CTNND2: variants seen among roughly 807,000 people sequenced by gnomAD.
CTNND2 encodes catenin delta 2, also known as catenin delta-2.
CTNND2 carries 22 observed loss-of-function variants against 144.4 expected under a neutral mutation model. The ratio of observed to expected loss-of-function variants is 0.15; its 90% CI spans 0.11 to 0.22. The LOEUF (loss-of-function observed/expected upper bound fraction) is 0.22. Ranked by LOEUF, CTNND2 falls within the 10% of genes least tolerant of loss-of-function variation. The probability of loss-of-function intolerance (pLI) is 1.00; values close to 1 mark genes in which losing one functional copy is unlikely to be tolerated. For missense variants in CTNND2, 1,353 were observed against 1,618.8 expected, an observed-to-expected ratio of 0.84 and a Z score of 2.82; for synonymous variants, 751 against 695.6, an observed-to-expected ratio of 1.08 and a Z score of -1.25.
At chr5:11,313,345 G>C (rs1751178735) in intron 9 of CTNND2, among the ~76,000 whole-genome samples, 1 of 152,160 alleles carries the variant, frequency 6.6e-6, no homozygotes, top group Non-Finnish European at 1.5e-5. Flanking sequence ...TCAGGGACAA[G>C]GTTTTTCCAA....
intron 3 of CTNND2, among the ~76,000 whole-genome samples, chr5:11,421,314 C>G (rs1308209070): frequency 6.6e-6 from 1 of 152,154 alleles, no homozygotes; most frequent in Non-Finnish European, 1.5e-5. Flanking sequence ...CCCCTTCATT[C>G]AAGATACCCT....
chr5:11,128,401 G>A (rs980430189), intron 12 of CTNND2, among the ~76,000 whole-genome samples: 4 of 152,032 alleles, frequency 2.6e-5, no homozygotes, highest in African/African-American at 9.7e-5. Context: ...TAAGGAGAAC[G>A]ATCCCACCAG....
chr5:11,737,291 GT>G (rs898619748), intron 1 of CTNND2, among the ~76,000 whole-genome samples: 3 of 152,118 alleles, frequency 2.0e-5, no homozygotes, highest in Non-Finnish European at 4.4e-5. Context: ...CTTTGACTTT[GT>G]TTTTGTTTGA....
intron 2 of CTNND2, among the ~76,000 whole-genome samples, chr5:11,617,764 T>C (rs2466997): frequency 0.12 from 18,764 of 152,166 alleles, 2,934 homozygotes; most frequent in African/African-American, 0.37. Flanking sequence ...ATCTTTATTA[T>C]GGAATTCTCA....
chr5:11,638,064 T>C (rs1339745391), intron 2 of CTNND2, among the ~76,000 whole-genome samples: 1 of 152,216 alleles, frequency 6.6e-6, no homozygotes, highest in Non-Finnish European at 1.5e-5. Flanking sequence ...TTTATTAGTT[T>C]TGTTAATATA....
At chr5:11,416,661 C>T (rs1761959022) in intron 3 of CTNND2, among the ~76,000 whole-genome samples, 1 of 152,188 alleles carries the variant, frequency 6.6e-6, no homozygotes. Context: ...GGGTCACAGA[C>T]ACACTCATAT....
At chr5:11,387,033 T>C (rs1189811850) in intron 6 of CTNND2, among the ~76,000 whole-genome samples, 1 of 152,156 alleles carries the variant, frequency 6.6e-6, no homozygotes, top group Non-Finnish European at 1.5e-5. Flanking sequence ...TCTAGTTGTA[T>C]ATTATAATCT....
At chr5:11,894,938 G>A (rs914616578) in intron 1 of CTNND2, among the ~76,000 whole-genome samples, 1 of 152,182 alleles carries the variant, frequency 6.6e-6, no homozygotes, top group Admixed American at 6.5e-5. Flanking sequence ...CCTATGATTT[G>A]TGGATCAATT....
rs1758840930 is a variant in CTNND2, at chr5:11,384,531, G to A, written c.1177+134C>T. 6 of 755,566 alleles carry A rather than the reference G, an allele frequency of 7.9e-6. No homozygotes were observed. The highest frequency in any genetic ancestry group is 1.0e-5 in the Non-Finnish European group (5 of 479,356). The allele number at this position is 755,566 out of a possible 1,614,324, so 46.8% of individuals were successfully genotyped here. A position where few individuals can be genotyped will look rare whatever the true frequency, so the allele number is the denominator to read the frequency against. ...TGACTTGTTCCAGGAAAGCCCTGGCGTTCTCTGTCTCCTGCAACTACTACA... is the reference window on the plus strand; with the variant it reads ...TGACTTGTTCCAGGAAAGCCCTGGCATTCTCTGTCTCCTGCAACTACTACA... On this transcript the variant is annotated intron_variant, in intron 7 of 21. Transcript: ENST00000304623. The surrounding 1 kb of genome is among the most constrained non-coding windows in gnomAD (Gnocchi z 5.2).
intron 3 of CTNND2, among the ~76,000 whole-genome samples, chr5:11,443,775 C>G (rs1764554523): frequency 6.6e-6 from 1 of 152,102 alleles, no homozygotes; most frequent in South Asian, 2.1e-4. Flanking sequence ...TCTGCTATCT[C>G]TCAAAAGTGT....
At chr5:11,591,154 G>T (rs1779219366) in intron 2 of CTNND2, among the ~76,000 whole-genome samples, 1 of 152,156 alleles carries the variant, frequency 6.6e-6, no homozygotes, top group Non-Finnish European at 1.5e-5. Flanking sequence ...CACCTAGAAT[G>T]GAATGTTTGT....
At chr5:11,102,756 G>T (rs1027442909) in intron 14 of CTNND2, among the ~76,000 whole-genome samples, 4 of 152,104 alleles carry the variant, frequency 2.6e-5, no homozygotes, top group African/African-American at 9.7e-5. Flanking sequence ...AGGGACTGCT[G>T]AAATTTAGAC....
chr5:11,708,923 C>T (rs2126687209), intron 2 of CTNND2, among the ~76,000 whole-genome samples: 1 of 152,166 alleles, frequency 6.6e-6, no homozygotes, highest in East Asian at 1.9e-4. Context: ...TACATAGCCC[C>T]TTGTGTCTGT....
chr5:11,283,262 C>T (rs953834100), intron 9 of CTNND2, among the ~76,000 whole-genome samples: 1 of 152,180 alleles, frequency 6.6e-6, no homozygotes, highest in South Asian at 2.1e-4. Flanking sequence ...AAATCACTTG[C>T]CCATGCCCAG....
rs1292524308 is a variant in CTNND2, at chr5:11,082,926, G to A, written c.2638-80C>T. ...AAATAGTACATTTGCGTTTTCAGGC[G>A]GCTGCTTACAGGAGCCAAAAAGGTT... is the stretch of plus-strand genomic sequence containing the variant. On this transcript the variant is annotated intron_variant, in intron 15 of 21. Coordinates refer to ENST00000304623, the MANE Select transcript of CTNND2 (RefSeq NM_001332.4). The A allele has an allele frequency of 1.1e-5, 16 of 1,521,984 alleles. No homozygotes were observed. In the Admixed American group the frequency reaches 1.4e-4, roughly 13 times the overall value. The allele number at this position is 1,521,984 out of a possible 1,614,324, so 94.3% of individuals were successfully genotyped here.
chr5:11,766,358 G>A (rs1414653633), intron 1 of CTNND2, among the ~76,000 whole-genome samples: 1 of 152,188 alleles, frequency 6.6e-6, no homozygotes, highest in Admixed American at 6.5e-5. Flanking sequence ...ATTTCCATGT[G>A]TTGTGGGAAG....
At chr5:11,865,914 A>AAAAAAAAAAC (rs1795747428) in intron 1 of CTNND2, among the ~76,000 whole-genome samples, 1 of 151,058 alleles carries the variant, frequency 6.6e-6, no homozygotes, top group Non-Finnish European at 1.5e-5. Context: ...AAAAAAAAAA[A>AAAAAAAAAAC]ACGAGTTCTC....
At chr5:11,442,183 T>G (rs1231448605) in intron 3 of CTNND2, among the ~76,000 whole-genome samples, 1 of 152,234 alleles carries the variant, frequency 6.6e-6, no homozygotes, top group Non-Finnish European at 1.5e-5. Context: ...TATTATCTGT[T>G]AACATATATT....
rs951043769 is a variant in CTNND2, at chr5:11,903,105, C to T, written c.37+712G>A. On this transcript the variant is annotated intron_variant, in intron 1 of 21. Transcript: ENST00000304623. The surrounding 1 kb of genome is among the most constrained non-coding windows in gnomAD (Gnocchi z 5.4). ...AAGAAAAAAGCAGCTTCGCTTTCAGCCATTAATTACGGATCACCCCAATTT... is the reference window on the plus strand; with the variant it reads ...AAGAAAAAAGCAGCTTCGCTTTCAGTCATTAATTACGGATCACCCCAATTT... 22 of 755,264 alleles carry T rather than the reference C, an allele frequency of 2.9e-5. No individual in the cohort carries two copies. In the South Asian group the frequency reaches 1.2e-3, roughly 41 times the overall value. The allele number at this position is 755,264 out of a possible 1,614,324, so 46.8% of individuals were successfully genotyped here. A position where few individuals can be genotyped will look rare whatever the true frequency, so the allele number is the denominator to read the frequency against.
Sources: gnomAD v4.1 joint callset for allele counts (sites outside exome capture counted in the v4.1 genomes callset) on GRCh38, gnomAD v4.1.1 for gene constraint, Gnocchi (gnomAD v3.1) non-coding constraint, MANE v1.5 for transcripts, NCBI Gene and HGNC (gene_info 2026-07-23, HGNC 2026-07-21) for gene names.